Variants in NKAIN2 observed in about 807,000 individuals in gnomAD.
NKAIN2 encodes the protein sodium/potassium transporting ATPase interacting 2, also known as sodium/potassium-transporting ATPase subunit beta-1-interacting protein 2.
NKAIN2 carries 14 observed loss-of-function variants against 32.6 expected under a neutral mutation model. The observed-to-expected ratio is 0.43, with a 90% confidence interval of 0.28 to 0.67. The LOEUF (loss-of-function observed/expected upper bound fraction) is 0.67. Ranked by LOEUF, NKAIN2 falls within the 30% of genes least tolerant of loss-of-function variation. NKAIN2 has a pLI of 0.17. For missense variants in NKAIN2, 198 were observed against 258.3 expected, an observed-to-expected ratio of 0.77 and a Z score of 1.60; for synonymous variants, 80 against 87.2, an observed-to-expected ratio of 0.92 and a Z score of 0.46.
intron 3 of NKAIN2, among the ~76,000 whole-genome samples, chr6:124,458,291 A>G (rs1229247977): frequency 1.3e-5 from 2 of 152,012 alleles, no homozygotes; most frequent in African/African-American, 2.4e-5. Flanking sequence ...GCCAAAGCAA[A>G]TCTAAATAAA....
At chr6:124,487,055 G>T (rs1777680798) in intron 3 of NKAIN2, among the ~76,000 whole-genome samples, 3 of 152,104 alleles carry the variant, frequency 2.0e-5, no homozygotes, top group South Asian at 4.1e-4. Flanking sequence ...AACCTGGGAA[G>T]TTAAGGATGT....
intron 3 of NKAIN2, among the ~76,000 whole-genome samples, chr6:124,576,086 T>C (rs9491195): frequency 0.13 from 19,475 of 152,122 alleles, 1,637 homozygotes; most frequent in African/African-American, 0.24. Flanking sequence ...AAAATAACCT[T>C]AATCAAGCAT....
intron 1 of NKAIN2, among the ~76,000 whole-genome samples, chr6:124,048,988 C>T (rs1226738143): frequency 1.3e-5 from 2 of 151,956 alleles, no homozygotes; most frequent in South Asian, 2.1e-4. Context: ...TGAAAACATA[C>T]TTTCTGTAGT....
chr6:124,036,936 A>G (rs1311055553), intron 1 of NKAIN2, among the ~76,000 whole-genome samples: 1 of 152,126 alleles, frequency 6.6e-6, no homozygotes, highest in Non-Finnish European at 1.5e-5. Context: ...TTGATATTCT[A>G]TCAAAGTGTA....
intron 5 of NKAIN2, among the ~76,000 whole-genome samples, chr6:124,806,624 A>G (rs1436320728): frequency 6.6e-6 from 1 of 152,196 alleles, no homozygotes; most frequent in African/African-American, 2.4e-5. Context: ...ACAGGTTCAA[A>G]TTCACACATA....
intron 4 of NKAIN2, among the ~76,000 whole-genome samples, chr6:124,714,345 T>C (rs1775647038): frequency 6.6e-6 from 1 of 152,222 alleles, no homozygotes; most frequent in Admixed American, 6.5e-5. Flanking sequence ...ATTAAATGAT[T>C]AATGAATCTG....
chr6:123,820,458 T>C (rs1773876574), intron 1 of NKAIN2, among the ~76,000 whole-genome samples: 1 of 152,222 alleles, frequency 6.6e-6, no homozygotes, highest in Non-Finnish European at 1.5e-5. Context: ...TAAGTGGCCT[T>C]GATCAGTTCT....
intron 5 of NKAIN2, among the ~76,000 whole-genome samples, chr6:124,809,971 A>G (rs1160927028): frequency 1.3e-5 from 2 of 152,198 alleles, no homozygotes; most frequent in Admixed American, 1.3e-4. Context: ...AATCATTAAA[A>G]AGTCAGGAAA....
intron 3 of NKAIN2, among the ~76,000 whole-genome samples, chr6:124,370,916 AT>A (rs1181114687): frequency 1.3e-5 from 2 of 152,076 alleles, no homozygotes; most frequent in African/African-American, 4.8e-5. Flanking sequence ...TGGACTCGAG[AT>A]TTTGCACTCT....
chr6:124,314,828 C>T (rs540294022), intron 2 of NKAIN2, among the ~76,000 whole-genome samples: 1 of 152,222 alleles, frequency 6.6e-6, no homozygotes, highest in East Asian at 1.9e-4. Flanking sequence ...CTGCAATATC[C>T]ATTACAGAAA....
chr6:124,056,136 C>T (rs546550949), intron 1 of NKAIN2, among the ~76,000 whole-genome samples: 1 of 151,918 alleles, frequency 6.6e-6, no homozygotes, highest in African/African-American at 2.4e-5. Flanking sequence ...TTTGGCTGAG[C>T]AATGCAGGGT....
At position 124,315,783 on chromosome 6, in the gene NKAIN2, A is replaced by G. The variant is rs958090339; in HGVS notation, c.192+32641A>G. ...GTCTAATCCTTTTTATATTGATATTATAGTAAGAAATGGAAAAATGTGCAG... is the reference window on the plus strand; with the variant it reads ...GTCTAATCCTTTTTATATTGATATTGTAGTAAGAAATGGAAAAATGTGCAG... On this transcript the variant is annotated intron_variant, in intron 2 of 6. Transcript: ENST00000368417. Among the ~76,000 whole-genome samples the G allele has an allele frequency of 5.9e-5, 9 of 152,260 alleles. No individual in the cohort carries two copies. The South Asian group carries it at 6.2e-4, about 11-fold the overall frequency.
At chr6:124,376,689 C>T (rs957292445) in intron 3 of NKAIN2, among the ~76,000 whole-genome samples, 6 of 152,110 alleles carry the variant, frequency 3.9e-5, no homozygotes, top group Non-Finnish European at 7.4e-5. Context: ...CAGCCTCAAT[C>T]TTCCCTATCC....
At chr6:124,758,974 A>G (rs1778089663) in intron 4 of NKAIN2, among the ~76,000 whole-genome samples, 1 of 152,166 alleles carries the variant, frequency 6.6e-6, no homozygotes, top group Non-Finnish European at 1.5e-5. Context: ...ATTATTTTAA[A>G]TATTGCCTAC....
At chr6:124,410,301 G>C (rs1345675359) in intron 3 of NKAIN2, among the ~76,000 whole-genome samples, 1 of 151,996 alleles carries the variant, frequency 6.6e-6, no homozygotes, top group African/African-American at 2.4e-5. Flanking sequence ...GTCAATTTTA[G>C]ATCTTTCCTC....
At chr6:123,909,153 T>A (rs774780865) in intron 1 of NKAIN2, among the ~76,000 whole-genome samples, 1 of 152,114 alleles carries the variant, frequency 6.6e-6, no homozygotes, top group Non-Finnish European at 1.5e-5. Flanking sequence ...TTCTAACCTG[T>A]CTCTGAGTCT....
intron 1 of NKAIN2, among the ~76,000 whole-genome samples, chr6:123,896,381 C>G (rs531157301): frequency 6.6e-6 from 1 of 151,436 alleles, no homozygotes; most frequent in African/African-American, 2.5e-5. Context: ...TTTGCTCTCC[C>G]TTTATATCAC....
intron 3 of NKAIN2, among the ~76,000 whole-genome samples, chr6:124,366,929 A>G (rs1242256887): frequency 5.6e-5 from 2 of 36,018 alleles, no homozygotes; most frequent in Non-Finnish European, 9.6e-5. Flanking sequence ...CCCTGTCTCG[A>G]AAAAAAAAAA....
At chr6:124,528,607 C>A (rs546449066) in intron 3 of NKAIN2, among the ~76,000 whole-genome samples, 17 of 152,276 alleles carry the variant, frequency 1.1e-4, no homozygotes, top group African/African-American at 4.1e-4. Context: ...TAGCAATTTT[C>A]TTCAGAATCA....
Sources: allele counts gnomAD v4.1 joint callset (sites outside exome capture counted in the v4.1 genomes callset), GRCh38; gene constraint gnomAD v4.1.1; transcripts MANE v1.5; gene names NCBI Gene and HGNC (gene_info 2026-07-23, HGNC 2026-07-21).